The following CDK14 variants were observed in gnomAD, a reference collection of about 807,000 sequenced individuals.
CDK14 encodes cyclin-dependent kinase 14.
A neutral mutation model predicts 60.7 loss-of-function variants in CDK14; 34 were observed. That is an observed-to-expected ratio of 0.56 (90% CI 0.43 to 0.75). CDK14 has a LOEUF of 0.75. CDK14 is among the 30% of genes least tolerant of loss of function. CDK14 has a pLI of 0.00. For missense variants in CDK14, 482 were observed against 564.1 expected (o/e 0.85, Z 1.47); for synonymous variants, 197 against 203.7 (o/e 0.97, Z 0.28).
chr7:90,666,864 T>C (rs898982087), intron 2 of CDK14, among the ~76,000 whole-genome samples: 2 of 152,186 alleles, frequency 1.3e-5, no homozygotes, highest in Non-Finnish European at 2.9e-5. Flanking sequence ...GAAATGCACA[T>C]TTTGTATCGC....
chr7:90,792,879 A>G (rs1375172673), intron 5 of CDK14, among the ~76,000 whole-genome samples: 1 of 152,172 alleles, frequency 6.6e-6, no homozygotes, highest in Non-Finnish European at 1.5e-5. Flanking sequence ...TTCCTGTCTC[A>G]GGAATTTTAC....
chr7:90,896,691 G>A (rs1792347888), intron 6 of CDK14, among the ~76,000 whole-genome samples: 1 of 152,158 alleles, frequency 6.6e-6, no homozygotes, highest in Non-Finnish European at 1.5e-5. Context: ...AAAGTTTGCT[G>A]AGACACAGGC....
chr7:90,719,235 A>G (rs767570140), intron 2 of CDK14, among the ~76,000 whole-genome samples: 2 of 152,196 alleles, frequency 1.3e-5, no homozygotes, highest in Non-Finnish European at 2.9e-5. Flanking sequence ...GACGCATGAT[A>G]CATATTTGCT....
rs200628363 is a variant in CDK14 at position 90,814,378 on chromosome 7, CT to C, written c.544+23734del. The stretch of plus-strand genomic sequence containing the variant: ...ACATGAGCCACATTTTACATCAGAG[CT>C]TTTTTTTAAAAAAATTATCATTCCT... On this transcript the variant is annotated intron_variant, in intron 5 of 14. Coordinates refer to ENST00000380050, the MANE Select transcript of CDK14 (RefSeq NM_001287135.2). Among the ~76,000 whole-genome samples, 54 of 152,014 alleles carry C rather than the reference CT, an allele frequency of 3.6e-4. 1 individual carries two copies. In the South Asian group the frequency reaches 4.8e-3, roughly 13 times the overall value.
At chr7:91,117,155 G>C (rs2116372933) in intron 13 of CDK14, among the ~76,000 whole-genome samples, 1 of 149,302 alleles carries the variant, frequency 6.7e-6, no homozygotes, top group East Asian at 2.0e-4. Flanking sequence ...GCCTTCTCTA[G>C]TCTTACCGTT....
At chr7:90,660,835 A>G (rs1281249228) in intron 2 of CDK14, among the ~76,000 whole-genome samples, 1 of 152,170 alleles carries the variant, frequency 6.6e-6, no homozygotes, top group Non-Finnish European at 1.5e-5. Context: ...GGATTGGTTT[A>G]GTGAAGTGTG....
intron 6 of CDK14, among the ~76,000 whole-genome samples, chr7:90,893,001 A>G (rs1007002190): frequency 2.0e-5 from 3 of 152,092 alleles, no homozygotes; most frequent in South Asian, 2.1e-4. Context: ...GATGATCTCT[A>G]TCTCCTGACC....
rs150701674 is a variant in CDK14 at position 90,875,483 on chromosome 7, G to A, written c.639+12214G>A. On this transcript the variant is annotated intron_variant, in intron 6 of 14. Transcript: ENST00000380050. The stretch of plus-strand genomic sequence containing the variant: ...TTACAATCCAACCAGCAGTGTATAG[G>A]GGTGCCAATTTTATTTACACTTGGC... Among the ~76,000 whole-genome samples, 807 of 151,706 alleles carry A rather than the reference G, an allele frequency of 5.3e-3. 6 individuals carry two copies. The highest frequency in any genetic ancestry group is 0.018 in the African/African-American group (761 of 41,398).
chr7:90,601,278 T>C (rs925051098), intron 1 of CDK14, among the ~76,000 whole-genome samples: 1 of 152,270 alleles, frequency 6.6e-6, no homozygotes, highest in Non-Finnish European at 1.5e-5. Context: ...TCAGGGAATG[T>C]AATCAATAAT....
chr7:91,092,946 C>T (rs1798873301), intron 12 of CDK14, among the ~76,000 whole-genome samples: 1 of 152,142 alleles, frequency 6.6e-6, no homozygotes, highest in Non-Finnish European at 1.5e-5. Flanking sequence ...ATCCCTCCTC[C>T]AATGTTTTCA....
chr7:91,063,522 T>C (rs1427980237), intron 11 of CDK14, among the ~76,000 whole-genome samples: 1 of 152,186 alleles, frequency 6.6e-6, no homozygotes, highest in Non-Finnish European at 1.5e-5. Flanking sequence ...AGGACATAAG[T>C]ATGTATGTAA....
chr7:91,174,203 A>C (rs1801641936), intron 14 of CDK14, among the ~76,000 whole-genome samples: 3 of 151,912 alleles, frequency 2.0e-5, no homozygotes, highest in African/African-American at 7.3e-5. Flanking sequence ...GCACACTGAC[A>C]CCTCACACGG....
At chr7:90,897,306 G>A (rs756336269) in intron 6 of CDK14, among the ~76,000 whole-genome samples, 1 of 151,988 alleles carries the variant, frequency 6.6e-6, no homozygotes, top group Non-Finnish European at 1.5e-5. Context: ...CTTAGTTTGT[G>A]TTTGGGAAGC....
Position 90,745,541 on chromosome 7 carries a change from G to A in CDK14, c.370-2140G>A, listed in dbSNP as rs146207146. ...AGCAGTTCTCCTGCCTTAGCCTCCC[G>A]AGTAGCTGGGACTACAGACTTGTGC... is the stretch of plus-strand genomic sequence containing the variant. On this transcript the variant is annotated intron_variant, in intron 3 of 14. Transcript: ENST00000380050. Among the ~76,000 whole-genome samples, 75 of 152,180 alleles carry A rather than the reference G, an allele frequency of 4.9e-4. 1 individual carries two copies. In the East Asian group the frequency reaches 0.013, roughly 26 times the overall value.
chr7:90,937,144 T>A (rs1793781731), intron 8 of CDK14, among the ~76,000 whole-genome samples: 3 of 152,140 alleles, frequency 2.0e-5, no homozygotes, highest in African/African-American at 7.2e-5. Context: ...TATAGGACAC[T>A]GTGAGTAATA....
At chr7:90,974,655 T>C (rs542477356) in intron 9 of CDK14, among the ~76,000 whole-genome samples, 177 of 152,316 alleles carry the variant, frequency 1.2e-3, no homozygotes, top group African/African-American at 3.9e-3. Context: ...CTTATTCTGC[T>C]TCCTCATGTG....
chr7:91,006,774 C>T (rs1027261704), intron 10 of CDK14, among the ~76,000 whole-genome samples: 1 of 152,162 alleles, frequency 6.6e-6, no homozygotes, highest in Non-Finnish European at 1.5e-5. Flanking sequence ...GTGTGTTTCA[C>T]CCCAAAATGA....
At chr7:91,071,773 C>T (rs573990945) in intron 11 of CDK14, among the ~76,000 whole-genome samples, 48 of 152,278 alleles carry the variant, frequency 3.2e-4, no homozygotes, top group African/African-American at 1.0e-3. Context: ...GCTCCCAGGG[C>T]GGGGTAAGGG....
At chr7:90,817,777 G>A (rs1342187250) in intron 5 of CDK14, among the ~76,000 whole-genome samples, 1 of 152,174 alleles carries the variant, frequency 6.6e-6, no homozygotes, top group East Asian at 1.9e-4. Context: ...ATTGTAAGCC[G>A]TTAGGAAGCA....
Sources: allele counts gnomAD v4.1 joint callset (sites outside exome capture counted in the v4.1 genomes callset), GRCh38; gene constraint gnomAD v4.1.1; transcripts MANE v1.5; gene names NCBI Gene and HGNC (gene_info 2026-07-23, HGNC 2026-07-21).